Variants in MGST1 observed in about 807,000 individuals in gnomAD.
MGST1 encodes microsomal glutathione S-transferase 1.
MGST1 carries 5 observed loss-of-function variants against 8.9 expected under a neutral mutation model. The ratio of observed to expected loss-of-function variants is 0.56; its 90% CI spans 0.29 to 1.19. The LOEUF is 1.19. Ranked by LOEUF, MGST1 falls within the 50% of genes most tolerant of loss-of-function variation. The pLI, the probability that MGST1 is intolerant of heterozygous loss-of-function variation, is 0.08. For synonymous variants in MGST1, 54 were observed against 67.8 expected (o/e 0.80, Z 1.00); for missense variants, 182 against 187.4 (o/e 0.97, Z 0.17).
chr12:16,414,653 G>T (rs1486667082), intron 1 of MGST1, among the ~76,000 whole-genome samples: 5 of 151,914 alleles, frequency 3.3e-5, no homozygotes, highest in Non-Finnish European at 7.4e-5. Flanking sequence ...CTGACCTCGT[G>T]ATCCACCCAC....
intron 4 of MGST1, among the ~76,000 whole-genome samples, chr12:16,502,417 G>T (rs1591746424): frequency 6.6e-6 from 1 of 151,942 alleles, no homozygotes; most frequent in African/African-American, 2.4e-5. Flanking sequence ...GATTTTTTCT[G>T]ATGAAGTTTT....
chr12:16,495,531 G>A (rs902663693), intron 4 of MGST1, among the ~76,000 whole-genome samples: 6 of 152,126 alleles, frequency 3.9e-5, no homozygotes, highest in African/African-American at 1.2e-4. Context: ...AGGTGATTTG[G>A]AACTTTGATG....
At position 16,513,163 on chromosome 12, in the gene MGST1, C is replaced by T. The variant is rs1334801929; in HGVS notation, n.483-76365C>T. ...ATAAACATACATATAACTTAATCCA[C>T]TGCCTACTATTAGCTTCGATTTCTT... On this transcript the variant is annotated intron_variant and non_coding_transcript_variant, in intron 4 of 4. Transcript: ENST00000538857. This position sits in a 1 kb window ranked among gnomAD's most constrained non-coding sequence, Gnocchi z 4.2. Among the ~76,000 whole-genome samples the T allele has an allele frequency of 1.3e-5, 2 of 152,214 alleles. No homozygotes were observed. Among genetic ancestry groups the T allele is most frequent in the East Asian group, 3.8e-4 (2 of 5,202 alleles).
At chr12:16,524,643 T>C (rs545594612) in intron 4 of MGST1, among the ~76,000 whole-genome samples, 92 of 152,070 alleles carry the variant, frequency 6.0e-4, no homozygotes, top group Admixed American at 1.0e-3. Flanking sequence ...ATTCATAAAA[T>C]AGTAATGGTC....
intron 4 of MGST1, among the ~76,000 whole-genome samples, chr12:16,538,827 A>C (rs1941774737): frequency 6.6e-6 from 1 of 151,944 alleles, no homozygotes; most frequent in East Asian, 1.9e-4. Context: ...CCAGGAGGGT[A>C]TCGATCTCCT....
At chr12:16,465,533 T>A (rs1218391457) in intron 4 of MGST1, among the ~76,000 whole-genome samples, 1 of 152,070 alleles carries the variant, frequency 6.6e-6, no homozygotes, top group African/African-American at 2.4e-5. Context: ...TAGGTTCTCA[T>A]AGGAGCCGAA....
At chr12:16,442,250 CACAG>C (rs1373176389), downstream of MGST1, among the ~76,000 whole-genome samples, 1 of 146,848 alleles carries the variant, frequency 6.8e-6, no homozygotes, top group African/African-American at 2.5e-5. This position sits in a 1 kb window ranked among gnomAD's most constrained non-coding sequence, Gnocchi z 4.5. Flanking sequence ...AATATTTTCT[CACAG>C]AGTGTGGCTT....
intron 4 of MGST1, among the ~76,000 whole-genome samples, chr12:16,565,085 G>A (rs1009648483): frequency 2.0e-5 from 3 of 151,992 alleles, no homozygotes; most frequent in Non-Finnish European, 2.9e-5. Context: ...CACTATGCCC[G>A]GTCTAGTATT....
chr12:16,402,115 T>TG (rs1940660777), intron 1 of MGST1: 1 of 1,520,046 alleles, frequency 6.6e-7, no homozygotes, highest in African/African-American at 1.4e-5. Flanking sequence ...AGCAGTCTGA[T>TG]GGCAGGGGCT....
At chr12:16,419,390 G>A (rs1940814074) in intron 1 of MGST1, among the ~76,000 whole-genome samples, 1 of 152,116 alleles carries the variant, frequency 6.6e-6, no homozygotes, top group Non-Finnish European at 1.5e-5. Context: ...TGAAAAGGCA[G>A]ATACTGGAAC....
chr12:16,540,596 C>T (rs140781270), intron 4 of MGST1, among the ~76,000 whole-genome samples: 56 of 152,256 alleles, frequency 3.7e-4, no homozygotes, highest in African/African-American at 1.3e-3. Context: ...CTGGACAGAG[C>T]GACATTTAAG....
chr12:16,359,251 A>G (rs142909893), intron 3 of MGST1, among the ~76,000 whole-genome samples: 60 of 152,304 alleles, frequency 3.9e-4, no homozygotes, highest in Middle Eastern at 3.4e-3. Flanking sequence ...AGCAATGCCC[A>G]GTGTTACACC....
intron 4 of MGST1, among the ~76,000 whole-genome samples, chr12:16,479,385 C>T (rs1414492546): frequency 6.6e-6 from 1 of 151,470 alleles, no homozygotes; most frequent in African/African-American, 2.4e-5. Flanking sequence ...CAGGTGCCCG[C>T]CACCACGCCC....
In MGST1 at chr12:16,531,748, C is replaced by T. The variant is rs1941725009; in HGVS notation, n.483-57780C>T. On this transcript the variant is annotated intron_variant and non_coding_transcript_variant, in intron 4 of 4. Coordinates refer to the MGST1 transcript ENST00000538857. ...AGCTGAGTGTGACTTGGAAGAATGC[C>T]AGCGGGAATGCACAGAGGCGCTTCT... Among the ~76,000 whole-genome samples the T allele has an allele frequency of 2.0e-5, 3 of 152,232 alleles. No individual in the cohort carries two copies. In the South Asian group the frequency reaches 6.2e-4, roughly 32 times the overall value.
In MGST1 at chr12:16,364,109, A is replaced by G. The variant is rs2137002234; in HGVS notation, c.*68A>G. 2.0e-6 allele frequency: 3 copies of G among 1,505,234 alleles called. No homozygotes were observed. The highest frequency in any genetic ancestry group is 2.3e-5 in the East Asian group (1 of 43,784). The allele number at this position is 1,505,234 out of a possible 1,614,324, so 93.2% of individuals were successfully genotyped here. The stretch of plus-strand genomic sequence containing the variant: ...TCTGTACTTCCAATTTATAATGAAT[A>G]CTTTCTTAGATTTTAGGTAGGAGGG... On this transcript the variant is annotated 3_prime_UTR_variant, in exon 4 of 4. Transcript: ENST00000396210. The surrounding 1 kb of genome is among the most constrained non-coding windows in gnomAD (Gnocchi z 5.7).
At chr12:16,457,230 C>T (rs34401) in intron 4 of MGST1, among the ~76,000 whole-genome samples, 151,469 of 152,080 alleles carry the variant, frequency 1, 75,431 homozygotes, top group Middle Eastern at 1. Flanking sequence ...ACTCCAATTA[C>T]AGTCCTAAAC....
intron 4 of MGST1, among the ~76,000 whole-genome samples, chr12:16,462,307 C>A (rs879260687): frequency 4.6e-5 from 7 of 152,038 alleles, no homozygotes; most frequent in Non-Finnish European, 1.0e-4. Context: ...TATTTTTAAA[C>A]AGATGAGAAA....
chr12:16,506,037 G>A (rs1291626707), intron 4 of MGST1, among the ~76,000 whole-genome samples: 1 of 152,134 alleles, frequency 6.6e-6, no homozygotes, highest in African/African-American at 2.4e-5. Flanking sequence ...TAAATGATTA[G>A]CTCCAATTAT....
downstream of MGST1, among the ~76,000 whole-genome samples, chr12:16,440,339 A>G (rs370524042): frequency 6.6e-6 from 1 of 151,762 alleles, no homozygotes; most frequent in South Asian, 2.1e-4. Context: ...ACTCCATGTG[A>G]CAGCCACTCA....
Sources: allele counts gnomAD v4.1 joint callset (sites outside exome capture counted in the v4.1 genomes callset), GRCh38; gene constraint gnomAD v4.1.1; non-coding constraint Gnocchi (gnomAD v3.1); transcripts MANE v1.5; gene names NCBI Gene and HGNC (gene_info 2026-07-23, HGNC 2026-07-21).